Variants in HRH1 observed in about 807,000 individuals in gnomAD.
The protein encoded by HRH1 is histamine H1 receptor.
In HRH1, 6 loss-of-function variants were observed where a neutral mutation model predicts 10.3. The ratio of observed to expected loss-of-function variants is 0.58; its 90% CI spans 0.32 to 1.15. HRH1 has a LOEUF of 1.15. Ranked by LOEUF, HRH1 falls within the 50% of genes most tolerant of loss-of-function variation. HRH1 has a pLI of 0.05. For synonymous variants in HRH1, 242 were observed against 236.7 expected, an observed-to-expected ratio of 1.02 and a Z score of -0.21; for missense variants, 514 against 615.3, an observed-to-expected ratio of 0.84 and a Z score of 1.74.
intron 1 of HRH1, among the ~76,000 whole-genome samples, chr3:11,254,297 T>C (rs1939729853): frequency 6.6e-6 from 1 of 152,178 alleles, no homozygotes. Flanking sequence ...TATGCTTCTC[T>C]TGCGGAAATT....
intron 1 of HRH1, among the ~76,000 whole-genome samples, chr3:11,224,966 AAGGCTCTACCC>A (rs1461419782): frequency 3.3e-5 from 5 of 152,180 alleles, no homozygotes; most frequent in African/African-American, 9.6e-5. Flanking sequence ...AAGCTCTTCA[AAGGCTCTACCC>A]AGGCAGGGAG....
chr3:11,260,344 T>C lies in HRH1; in HGVS notation c.1307T>C (p.Met436Thr). 6.2e-7 allele frequency: 1 copy of C among 1,614,242 alleles called. No homozygotes were observed. Among genetic ancestry groups the C allele is most frequent in the East Asian group, 2.2e-5 (1 of 44,882 alleles). The change falls in exon 2 of 2, where the codon ATG (methionine) becomes ACG (threonine). Residue 436 changes from methionine to threonine, a missense_variant. By Grantham distance (81) the Met-to-Thr change is moderately conservative. Transcript: ENST00000431010. ...LCWIPYFIFF[M>T]VIAFCKNCCN... ...TGGATCCCTTATTTCATCTTCTTCA[T>C]GGTCATTGCCTTCTGCAAGAACTGT... is the stretch of plus-strand genomic sequence containing the variant.
At chr3:11,138,378 A>T (rs1474156728) in intron 1 of HRH1, among the ~76,000 whole-genome samples, 1 of 152,104 alleles carries the variant, frequency 6.6e-6, no homozygotes, top group East Asian at 1.9e-4. Flanking sequence ...CCAGCCAAAA[A>T]ATGGGTAAAG....
intron 1 of HRH1, among the ~76,000 whole-genome samples, chr3:11,206,046 T>C (rs1481795374): frequency 1.3e-5 from 2 of 152,200 alleles, no homozygotes; most frequent in Admixed American, 6.5e-5. Context: ...CTGTCTGGCT[T>C]GAAGCTGGGG....
At chr3:11,195,119 C>G (rs762608516) in intron 1 of HRH1, among the ~76,000 whole-genome samples, 1 of 152,098 alleles carries the variant, frequency 6.6e-6, no homozygotes, top group Admixed American at 6.6e-5. Context: ...CACATCCAGC[C>G]GAAACCTTTG....
chr3:11,164,974 C>T (rs957516006), intron 1 of HRH1, among the ~76,000 whole-genome samples: 2 of 152,184 alleles, frequency 1.3e-5, no homozygotes, highest in Non-Finnish European at 2.9e-5. Flanking sequence ...GATCATGTGC[C>T]TGCTGTACAG....
At chr3:11,251,707 G>T (rs775901119) in intron 1 of HRH1, among the ~76,000 whole-genome samples, 4 of 152,098 alleles carry the variant, frequency 2.6e-5, no homozygotes, top group South Asian at 2.1e-4. Flanking sequence ...TCTGTAGTTC[G>T]GATTAAATCA....
Position 11,260,107 on chromosome 3 carries a change from C to A in HRH1, c.1070C>A (p.Ser357Tyr). Residue 357 changes from serine to tyrosine, a missense_variant, in exon 2 of 2, where the codon TCC (serine) becomes TAC (tyrosine). Coordinates refer to ENST00000431010, the MANE Select transcript of HRH1 (RefSeq NM_001098212.2). ...SEDQMLGDSQ[S>Y]FSRTDSDTTT... ...GATCAGATGTTAGGTGATAGCCAAT[C>A]CTTCTCTCGAACGGACTCAGATACC... 6.2e-7 allele frequency: 1 copy of A among 1,614,098 alleles called. No homozygotes were observed. The highest frequency in any genetic ancestry group is 1.1e-5 in the South Asian group (1 of 91,064).
At chr3:11,220,368 G>A (rs1406338599) in intron 1 of HRH1, among the ~76,000 whole-genome samples, 1 of 152,186 alleles carries the variant, frequency 6.6e-6, no homozygotes, top group African/African-American at 2.4e-5. Context: ...ACTGTCCTGA[G>A]AATCCCTGTC....
intron 1 of HRH1, among the ~76,000 whole-genome samples, chr3:11,239,058 C>T (rs954450798): frequency 6.6e-6 from 1 of 152,218 alleles, no homozygotes; most frequent in Non-Finnish European, 1.5e-5. Context: ...CATATGGTAA[C>T]TATGTTTAAC....
At chr3:11,215,129 T>C (rs1938445815) in intron 1 of HRH1, among the ~76,000 whole-genome samples, 1 of 152,210 alleles carries the variant, frequency 6.6e-6, no homozygotes, top group Non-Finnish European at 1.5e-5. Context: ...CTCAGAAAGA[T>C]AGTTCCCCTC....
At chr3:11,164,753 A>T (rs981823733) in intron 1 of HRH1, among the ~76,000 whole-genome samples, 3 of 152,186 alleles carry the variant, frequency 2.0e-5, no homozygotes, top group African/African-American at 7.2e-5. Context: ...GAGTCCTTGA[A>T]TCAAGCTGGA....
intron 1 of HRH1, among the ~76,000 whole-genome samples, chr3:11,145,522 T>C (rs1936420443): frequency 6.6e-6 from 1 of 152,210 alleles, no homozygotes; most frequent in Admixed American, 6.5e-5. Context: ...CTTGCCTCTA[T>C]ATCTCATCTA....
chr3:11,242,676 G>A (rs1385550399), intron 1 of HRH1, among the ~76,000 whole-genome samples: 1 of 151,894 alleles, frequency 6.6e-6, no homozygotes, highest in Non-Finnish European at 1.5e-5. Flanking sequence ...TGCAGTGAGC[G>A]TCTTTGTGCA....
chr3:11,144,418 G>T (rs1034308889), intron 1 of HRH1, among the ~76,000 whole-genome samples: 17 of 149,876 alleles, frequency 1.1e-4, no homozygotes, highest in African/African-American at 2.9e-4. Context: ...TACATCTATA[G>T]GTATATATAC....
At chr3:11,256,903 A>G (rs1004220339) in intron 1 of HRH1, among the ~76,000 whole-genome samples, 1 of 152,186 alleles carries the variant, frequency 6.6e-6, no homozygotes, top group Admixed American at 6.5e-5. Flanking sequence ...GAAATTTACT[A>G]TTTATTAGTG....
chr3:11,243,158 C>T (rs1283797829), intron 1 of HRH1, among the ~76,000 whole-genome samples: 1 of 152,232 alleles, frequency 6.6e-6, no homozygotes, highest in Non-Finnish European at 1.5e-5. Context: ...AGGCAATCCA[C>T]CTGCTTTGGC....
At chr3:11,144,105 A>G (rs1282519039) in intron 1 of HRH1, among the ~76,000 whole-genome samples, 1 of 152,098 alleles carries the variant, frequency 6.6e-6, no homozygotes, top group African/African-American at 2.4e-5. Context: ...GTTGGTGGGA[A>G]TGTAAATCAG....
chr3:11,190,247 C>A (rs1937514053), intron 1 of HRH1, among the ~76,000 whole-genome samples: 1 of 151,932 alleles, frequency 6.6e-6, no homozygotes, highest in Non-Finnish European at 1.5e-5. Flanking sequence ...TGTGGTGGCT[C>A]ACACCTGTAA....
Sources: gnomAD v4.1 joint callset for allele counts (sites outside exome capture counted in the v4.1 genomes callset) on GRCh38, gnomAD v4.1.1 for gene constraint, MANE v1.5 for transcripts, NCBI Gene and HGNC (gene_info 2026-07-23, HGNC 2026-07-21) for gene names.